Variants in NCOA3 observed in about 807,000 individuals in gnomAD.
The protein encoded by NCOA3 is nuclear receptor coactivator 3, also known as CBP-interacting protein.
Under a neutral mutation model 158.8 loss-of-function variants are expected in NCOA3, and 51 were observed. The ratio of observed to expected loss-of-function variants is 0.32; its 90% CI spans 0.26 to 0.41. The LOEUF (loss-of-function observed/expected upper bound fraction) is 0.41, where lower values mean the gene tolerates loss of function less well. Among genes scored for constraint, NCOA3 ranks in the 10% least tolerant of loss-of-function variants. The probability of loss-of-function intolerance (pLI) is 1.00; values close to 1 mark genes in which losing one functional copy is unlikely to be tolerated. For synonymous variants in NCOA3, 537 were observed against 592.4 expected (o/e 0.91, Z 1.36); for missense variants, 1,510 against 1,746.6 (o/e 0.86, Z 2.41).
intron 2 of NCOA3, among the ~76,000 whole-genome samples, chr20:47,589,872 C>T (rs2085598993): frequency 6.7e-6 from 1 of 148,978 alleles, no homozygotes; most frequent in African/African-American, 2.4e-5. Context: ...TCCCTGTAAA[C>T]CAAGAACAGG....
chr20:47,562,146 C>T (rs575088010), intron 1 of NCOA3, among the ~76,000 whole-genome samples: 25 of 152,280 alleles, frequency 1.6e-4, no homozygotes, highest in African/African-American at 5.8e-4. Context: ...AATTTATCCA[C>T]TCACCTATTG....
intron 1 of NCOA3, among the ~76,000 whole-genome samples, chr20:47,521,213 A>AGGGGGC (rs2084327055): frequency 6.6e-6 from 1 of 152,182 alleles, no homozygotes; most frequent in Non-Finnish European, 1.5e-5. Flanking sequence ...GGCCGCCACA[A>AGGGGGC]GGGGGCGGGG....
In NCOA3 at chr20:47,590,549, A is replaced by C. The variant is rs1354924212; in HGVS notation, c.-20+7288A>C. 2.0e-5 allele frequency among the ~76,000 whole-genome samples: 3 copies of C among 152,238 alleles called. No individual in the cohort carries two copies. The East Asian group carries it at 5.8e-4, about 29-fold the overall frequency. ...TGTGAGCTAGAGGTAGATGAAGAAG[A>C]AAGGAAAAGGGCTTCCTCATATAGC... On this transcript the variant is annotated intron_variant, in intron 2 of 22. Coordinates refer to ENST00000371998, the MANE Select transcript of NCOA3 (RefSeq NM_181659.3).
At chr20:47,628,093 A>G in intron 8 of NCOA3, 70 bp downstream of exon 8, 2 of 1,108,772 alleles carry the variant, frequency 1.8e-6, no homozygotes, top group Non-Finnish European at 2.7e-6. Context: ...AATTTTTGTA[A>G]ATGTTACTAT....
At chr20:47,568,337 GA>G (rs202192720) in intron 1 of NCOA3, among the ~76,000 whole-genome samples, 1 of 150,460 alleles carries the variant, frequency 6.6e-6, no homozygotes, top group African/African-American at 2.4e-5. Context: ...CATGGTAGAA[GA>G]AAAAAAAATA....
intron 2 of NCOA3, among the ~76,000 whole-genome samples, chr20:47,606,171 G>A (rs772993928): frequency 6.6e-6 from 1 of 152,176 alleles, no homozygotes; most frequent in Non-Finnish European, 1.5e-5. Flanking sequence ...TGAACGTGGG[G>A]TATCTTGGAG....
intron 1 of NCOA3, among the ~76,000 whole-genome samples, chr20:47,582,393 A>C (rs760447106): frequency 1.6e-4 from 25 of 152,102 alleles, no homozygotes; most frequent in Non-Finnish European, 3.4e-4. Context: ...TTGTATTTTT[A>C]GTAGATATGG....
chr20:47,504,478 C>CTTTTT (rs58220390), intron 1 of NCOA3, among the ~76,000 whole-genome samples: 4 of 98,682 alleles, frequency 4.1e-5, no homozygotes, highest in African/African-American at 1.1e-4. Context: ...CTAAGTGTGT[C>CTTTTT]TTTTTTTTTT....
chr20:47,577,883 CATT>C (rs1720432294), intron 1 of NCOA3, among the ~76,000 whole-genome samples: 1 of 152,166 alleles, frequency 6.6e-6, no homozygotes, highest in African/African-American at 2.4e-5. Context: ...ATGTAGAATA[CATT>C]ATAAGTCAGC....
At chr20:47,529,689 G>A (rs1251226076) in intron 1 of NCOA3, among the ~76,000 whole-genome samples, 3 of 152,210 alleles carry the variant, frequency 2.0e-5, no homozygotes, top group Admixed American at 2.0e-4. Flanking sequence ...GTGATTACAG[G>A]CGTGAGCCAC....
intron 19 of NCOA3, among the ~76,000 whole-genome samples, chr20:47,649,317 C>G (rs2086743720): frequency 6.6e-6 from 1 of 152,194 alleles, no homozygotes; most frequent in Non-Finnish European, 1.5e-5. Context: ...GAGCTTTCTT[C>G]ATTAAAACCA....
At chr20:47,505,003 G>GTTTTTTTTT (rs1166777115) in intron 1 of NCOA3, among the ~76,000 whole-genome samples, 2,368 of 28,500 alleles carry the variant, frequency 0.083, 740 homozygotes, top group Non-Finnish European at 0.09. Context: ...TGGGTTTTTG[G>GTTTTTTTTT]TTTTTTTTTT....
At position 47,623,917 on chromosome 20, in the gene NCOA3, C is replaced by T. The variant is rs1362600957; in HGVS notation, c.90C>T (p.Thr30=). 1 of 1,612,178 alleles carries T rather than the reference C, an allele frequency of 6.2e-7. No homozygotes were observed. Among genetic ancestry groups the T allele is most frequent in the Non-Finnish European group, 8.5e-7 (1 of 1,179,516 alleles). The part of the protein sequence containing the change: ...LPCDTPGQGL[T]CSGEKRRREQ... ...TCTACGCCTTTTCCCTTAGTCTTAC[C>T]TGCAGTGGTGAAAAACGGAGACGGG... Residue 30 remains threonine (T), a synonymous_variant, in exon 4 of 23, where the codon ACC becomes ACT. Coordinates refer to ENST00000371998, the MANE Select transcript of NCOA3 (RefSeq NM_181659.3).
chr20:47,523,126 C>T (rs887931878), intron 1 of NCOA3, among the ~76,000 whole-genome samples: 1 of 152,150 alleles, frequency 6.6e-6, no homozygotes, highest in African/African-American at 2.4e-5. Context: ...GCGGAGCTTG[C>T]AGTGAGCCGA....
chr20:47,649,147 G>C, intron 19 of NCOA3, 38 bp downstream of exon 19: 1 of 1,355,414 alleles, frequency 7.4e-7, no homozygotes, highest in Non-Finnish European at 1.0e-6. Flanking sequence ...ATTGCTCTGT[G>C]CTCAGGACAG....
At chr20:47,652,796 G>A in intron 21 of NCOA3, 135 bp from the exon 22 acceptor site, 1 of 1,087,852 alleles carries the variant, frequency 9.2e-7, no homozygotes, top group South Asian at 1.5e-5. Flanking sequence ...TGGATCACAG[G>A]CTGTCAGGGA....
At position 47,625,469 on chromosome 20, in the gene NCOA3, G is replaced by C; in HGVS notation, c.345G>C (p.Pro115=). Residue 115 remains proline, a synonymous_variant, in exon 5 of 23, where the codon CCG becomes CCC. Coordinates refer to ENST00000371998, the MANE Select transcript of NCOA3 (RefSeq NM_181659.3). ...QGVIDKDSLG[P]LLLQALDGFL... ...TTATTGATAAAGACTCCTTAGGACC[G>C]CTTTTACTTCAGGCAAGTATAAAGA... 6.2e-7 allele frequency: 1 copy of C among 1,608,292 alleles called. No homozygotes were observed. The highest frequency in any genetic ancestry group is 8.5e-7 in the Non-Finnish European group (1 of 1,174,868).
chr20:47,593,309 G>C (rs1447913278), intron 2 of NCOA3, among the ~76,000 whole-genome samples: 2 of 141,726 alleles, frequency 1.4e-5, no homozygotes, highest in East Asian at 2.1e-4. Context: ...TTAACTCTTT[G>C]GAGTACCTCC....
At chr20:47,504,996 GTTTTTGGTTTTTTTT>G (rs2146037980) in intron 1 of NCOA3, among the ~76,000 whole-genome samples, 1 of 30,892 alleles carries the variant, frequency 3.2e-5, no homozygotes, top group South Asian at 1.3e-3. Context: ...ATGGCTTTGG[GTTTTTGGTTTTTTTT>G]TTTTTTTTTT....
Sources: allele counts gnomAD v4.1 joint callset (sites outside exome capture counted in the v4.1 genomes callset), GRCh38; gene constraint gnomAD v4.1.1; transcripts MANE v1.5; gene names NCBI Gene and HGNC (gene_info 2026-07-23, HGNC 2026-07-21).